Variants in PAX5 observed in about 807,000 individuals in gnomAD.
PAX5 encodes the protein paired box protein Pax-5.
A neutral mutation model predicts 43.7 loss-of-function variants in PAX5; 9 were observed. The observed-to-expected ratio is 0.21, with a 90% CI of 0.12 to 0.36. The LOEUF (loss-of-function observed/expected upper bound fraction) is 0.36, where lower values mean the gene tolerates loss of function less well. PAX5 is among the 10% of genes least tolerant of loss of function. The pLI, the probability that PAX5 is intolerant of heterozygous loss-of-function variation, is 1.00. For synonymous variants in PAX5, 228 were observed against 214.3 expected, an observed-to-expected ratio of 1.06 and a Z score of -0.56; for missense variants, 383 against 532.7, an observed-to-expected ratio of 0.72 and a Z score of 2.77.
intron 6 of PAX5, among the ~76,000 whole-genome samples, chr9:36,950,333 A>C (rs1159791201): frequency 6.6e-6 from 1 of 152,234 alleles, no homozygotes; most frequent in African/African-American, 2.4e-5. Flanking sequence ...TAGCCAAGAC[A>C]TTGGGAAAGA....
At chr9:36,888,403 G>A (rs1042006562) in intron 7 of PAX5, among the ~76,000 whole-genome samples, 1 of 152,164 alleles carries the variant, frequency 6.6e-6, no homozygotes, top group African/African-American at 2.4e-5. Flanking sequence ...CGAAAATGTA[G>A]TATGTCCATA....
At position 37,026,649 on chromosome 9, in the gene PAX5, G is replaced by A; in HGVS notation, c.47-5848C>T. 3.0e-6 allele frequency: 4 copies of A among 1,350,494 alleles called. No individual in the cohort carries two copies. In the South Asian group the frequency reaches 3.7e-5, roughly 12 times the overall value. The allele number at this position is 1,350,494 out of a possible 1,614,324, so 83.7% of individuals were successfully genotyped here. On this transcript the variant is annotated intron_variant, in intron 1 of 9. Transcript: ENST00000358127. ...CAAGGGGCTGCCCAGGGCGGATAGG[G>A]AGCCTCGCCACCAGGCCAGGCACTG...
chr9:36,896,781 G>A (rs1325779066), intron 7 of PAX5, among the ~76,000 whole-genome samples: 1 of 152,194 alleles, frequency 6.6e-6, no homozygotes, highest in East Asian at 1.9e-4. Flanking sequence ...CCCCAAATGG[G>A]ATCACAGAAG....
chr9:37,018,231 G>A (rs1458073123), intron 2 of PAX5, among the ~76,000 whole-genome samples: 5 of 152,100 alleles, frequency 3.3e-5, no homozygotes, highest in Admixed American at 3.3e-4. Flanking sequence ...AAAATCCCTA[G>A]TGTTTCTTCT....
chr9:36,960,438 T>C (rs1833866815), intron 6 of PAX5, among the ~76,000 whole-genome samples: 1 of 151,416 alleles, frequency 6.6e-6, no homozygotes, highest in Non-Finnish European at 1.5e-5. Context: ...AGCCCGAGGG[T>C]CTTGTGAGCA....
chr9:36,904,075 G>A (rs147345026), intron 7 of PAX5, among the ~76,000 whole-genome samples: 50 of 152,320 alleles, frequency 3.3e-4, no homozygotes, highest in African/African-American at 1.1e-3. Context: ...AGTGAAATGA[G>A]GATGAGAAGA....
intron 2 of PAX5, among the ~76,000 whole-genome samples, chr9:37,017,047 CACAA>C (rs1179379493): frequency 2.6e-5 from 4 of 152,276 alleles, no homozygotes; most frequent in Non-Finnish European, 5.9e-5. Flanking sequence ...AATTATTACT[CACAA>C]ACAACTTTTT....
intron 6 of PAX5, among the ~76,000 whole-genome samples, 175 bp from the exon 7 acceptor site, chr9:36,923,659 C>T (rs1398216551): frequency 3.3e-5 from 5 of 152,286 alleles, no homozygotes; most frequent in Middle Eastern, 3.4e-3. Flanking sequence ...CTTGGTGGAA[C>T]GAGACAGTTG....
intron 7 of PAX5, among the ~76,000 whole-genome samples, chr9:36,910,965 T>C (rs974807571): frequency 6.6e-6 from 1 of 152,194 alleles, no homozygotes; most frequent in African/African-American, 2.4e-5. Flanking sequence ...CATTTGTACA[T>C]TTAAAAGGCT....
chr9:37,030,284 A>G (rs1840853045), intron 1 of PAX5, among the ~76,000 whole-genome samples: 1 of 151,880 alleles, frequency 6.6e-6, no homozygotes, highest in Non-Finnish European at 1.5e-5. Context: ...GGAAGTTCCA[A>G]CCCCAAAAGG....
chr9:36,927,893 A>G (rs189530604), intron 6 of PAX5, among the ~76,000 whole-genome samples: 1 of 152,218 alleles, frequency 6.6e-6, no homozygotes, highest in Non-Finnish European at 1.5e-5. Context: ...TATTTTTAGT[A>G]GAGACAGGGT....
chr9:36,898,910 C>T (rs963791430), intron 7 of PAX5, among the ~76,000 whole-genome samples: 3 of 152,094 alleles, frequency 2.0e-5, no homozygotes, highest in African/African-American at 7.2e-5. Context: ...AGCCGCACTG[C>T]AGACACCCAT....
intron 7 of PAX5, among the ~76,000 whole-genome samples, chr9:36,915,244 AGTACGT>A (rs2131926249): frequency 6.6e-6 from 1 of 152,370 alleles, no homozygotes; most frequent in South Asian, 2.1e-4. Flanking sequence ...ATCCCATTCC[AGTACGT>A]GTAGCTCTAA....
intron 6 of PAX5, among the ~76,000 whole-genome samples, chr9:36,934,736 C>T (rs1195613638): frequency 6.6e-6 from 1 of 152,112 alleles, no homozygotes; most frequent in Non-Finnish European, 1.5e-5. Context: ...CTCTCTCTGC[C>T]ACAGCACTTA....
intron 8 of PAX5, among the ~76,000 whole-genome samples, chr9:36,867,057 TG>T (rs1563911022): frequency 6.0e-5 from 4 of 66,526 alleles, no homozygotes; most frequent in African/African-American, 2.3e-4. Context: ...CTGGATGGGG[TG>T]GTGGGGGGGG....
chr9:36,850,994 G>T (rs1823106305), intron 8 of PAX5, among the ~76,000 whole-genome samples: 1 of 152,212 alleles, frequency 6.6e-6, no homozygotes, highest in South Asian at 2.1e-4. Flanking sequence ...TGGGCATGTG[G>T]TGGACACAGG....
intron 3 of PAX5, among the ~76,000 whole-genome samples, chr9:37,011,249 G>A (rs1049039748): frequency 2.0e-5 from 3 of 152,132 alleles, no homozygotes; most frequent in Admixed American, 1.3e-4. Context: ...TCCAGCCCGG[G>A]ACAAGTTTTG....
chr9:36,917,995 G>C (rs1829855623), intron 7 of PAX5, among the ~76,000 whole-genome samples: 2 of 152,180 alleles, frequency 1.3e-5, no homozygotes, highest in Admixed American at 1.3e-4. Context: ...AATAAATGCT[G>C]TGTGTGTTCT....
chr9:36,936,824 A>ACACATG (rs1831590901), intron 6 of PAX5, among the ~76,000 whole-genome samples: 1 of 119,198 alleles, frequency 8.4e-6, no homozygotes, highest in African/African-American at 3.1e-5. Flanking sequence ...AGGCACACAC[A>ACACATG]CACATGCACA....
Sources: gnomAD v4.1 joint callset for allele counts (sites outside exome capture counted in the v4.1 genomes callset) on GRCh38, gnomAD v4.1.1 for gene constraint, MANE v1.5 for transcripts, NCBI Gene and HGNC (gene_info 2026-07-23, HGNC 2026-07-21) for gene names.